The following GGA2 variants were observed in gnomAD, a reference collection of about 807,000 sequenced individuals.
GGA2 encodes golgi associated, gamma adaptin ear containing, ARF binding protein 2, also known as ADP-ribosylation factor-binding protein GGA2.
Under a neutral mutation model 79.5 loss-of-function variants are expected in GGA2, and 48 were observed. The ratio of observed to expected loss-of-function variants is 0.60; its 90% CI spans 0.48 to 0.77. The LOEUF (loss-of-function observed/expected upper bound fraction) is 0.77. Among genes scored for constraint, GGA2 ranks in the 30% least tolerant of loss-of-function variants. The pLI is 0.00. For synonymous variants in GGA2, 317 were observed against 302.0 expected, an observed-to-expected ratio of 1.05 and a Z score of -0.51; for missense variants, 770 against 774.0, an observed-to-expected ratio of 0.99 and a Z score of 0.06.
rs1964415303 is a variant in GGA2, at chr16:23,464,914, C to A, written c.*2676G>T. 5.4e-6 allele frequency: 1 copy of A among 185,310 alleles called. No homozygotes were observed. Among genetic ancestry groups the A allele is most frequent in the East Asian group, 1.4e-4 (1 of 7,300 alleles). 11.5% of individuals were successfully genotyped at this position (185,310 alleles called of 1,614,324 possible). A position where few individuals can be genotyped will look rare whatever the true frequency, so the allele number is the denominator to read the frequency against. ...CCTGACTACCAGGCCTGTGTGTGGACGGGAAAGTCCTGAGGATTGGACTCT... is the reference window on the plus strand; with the variant it reads ...CCTGACTACCAGGCCTGTGTGTGGAAGGGAAAGTCCTGAGGATTGGACTCT... On this transcript the variant is annotated 3_prime_UTR_variant, in exon 17 of 17. Transcript: ENST00000309859.
At chr16:23,520,253 C>CAA (rs3071381) in intron 1 of GGA2, among the ~76,000 whole-genome samples, 80,374 of 114,024 alleles carry the variant, frequency 0.7, 28,760 homozygotes, top group Middle Eastern at 0.78. Context: ...AACTACGTCT[C>CAA]AAAAAAAAAA....
upstream of GGA2, among the ~76,000 whole-genome samples, chr16:23,513,828 GA>G (rs888104495): frequency 3.4e-5 from 5 of 145,142 alleles, no homozygotes; most frequent in African/African-American, 1.0e-4. Flanking sequence ...GAAAAGAAAA[GA>G]AAAAAAAAGC....
intron 9 of GGA2, among the ~76,000 whole-genome samples, chr16:23,482,017 A>C (rs1313330393): frequency 1.3e-5 from 2 of 152,214 alleles, no homozygotes; most frequent in Non-Finnish European, 2.9e-5. Context: ...CTGTAATCCC[A>C]GCACTTTGGG....
chr16:23,512,317 G>A (rs565910178), upstream of GGA2, among the ~76,000 whole-genome samples: 2 of 152,168 alleles, frequency 1.3e-5, no homozygotes, highest in African/African-American at 4.8e-5. Context: ...AAAGGGCCTT[G>A]ATCCCCCGTA....
chr16:23,471,592 A>G (rs1964512174), intron 14 of GGA2, among the ~76,000 whole-genome samples: 2 of 152,146 alleles, frequency 1.3e-5, no homozygotes. Context: ...TAATATCAAA[A>G]TATACATTAC....
chr16:23,486,891 C>A, intron 6 of GGA2, 101 bp from the exon 7 acceptor site: 4 of 762,168 alleles, frequency 5.2e-6, no homozygotes, highest in Non-Finnish European at 9.7e-6. Context: ...ACAGTGCACA[C>A]ATTTTACATG....
intron 1 of GGA2, among the ~76,000 whole-genome samples, chr16:23,521,109 A>T (rs549035987): frequency 1.3e-5 from 2 of 152,248 alleles, no homozygotes; most frequent in African/African-American, 2.4e-5. Context: ...AGTATTTTTT[A>T]AAAACTGTGG....
chr16:23,506,645 C>T (rs1342754231), intron 1 of GGA2, among the ~76,000 whole-genome samples: 2 of 152,148 alleles, frequency 1.3e-5, no homozygotes, highest in East Asian at 3.9e-4. Context: ...AATTATCGGG[C>T]CCAAGATGTC....
chr16:23,503,391 T>C (rs1355078991), intron 1 of GGA2, among the ~76,000 whole-genome samples: 1 of 152,224 alleles, frequency 6.6e-6, no homozygotes, highest in African/African-American at 2.4e-5. Flanking sequence ...ATATTAAAAA[T>C]TGTATTAGTT....
intron 8 of GGA2, among the ~76,000 whole-genome samples, chr16:23,484,106 G>A (rs1186863670): frequency 6.6e-6 from 1 of 151,198 alleles, no homozygotes; most frequent in Non-Finnish European, 1.5e-5. Context: ...TGGCCAACAT[G>A]GTGAAACCCT....
intron 13 of GGA2, among the ~76,000 whole-genome samples, chr16:23,475,875 A>G (rs1470177390): frequency 6.6e-6 from 1 of 151,836 alleles, no homozygotes; most frequent in Non-Finnish European, 1.5e-5. Flanking sequence ...GGTTGTGGTG[A>G]GCCGAGATCA....
intron 8 of GGA2, among the ~76,000 whole-genome samples, chr16:23,483,387 G>A (rs563040710): frequency 4.6e-5 from 7 of 152,142 alleles, no homozygotes; most frequent in African/African-American, 7.2e-5. Context: ...CCAGCTACTC[G>A]GGAGGCTTTC....
At chr16:23,482,619 C>A (rs964284576) in intron 9 of GGA2, among the ~76,000 whole-genome samples, 4 of 152,172 alleles carry the variant, frequency 2.6e-5, no homozygotes, top group Admixed American at 2.6e-4. Flanking sequence ...GTTTCTCTGG[C>A]CCCTGCGATT....
intron 6 of GGA2, among the ~76,000 whole-genome samples, 192 bp from the exon 7 acceptor site, chr16:23,486,982 TTG>T (rs1158196249): frequency 1.0e-5 from 1 of 98,260 alleles, no homozygotes; most frequent in African/African-American, 3.3e-5. Flanking sequence ...TTCTTTTCTG[TTG>T]TTTTTTTTTT....
At position 23,467,685 on chromosome 16, in the gene GGA2, G is replaced by T. The variant is rs775844878; in HGVS notation, c.1747C>A (p.Arg583=). The change falls in exon 17 of 17, where the codon CGG becomes AGG. Residue 583 remains arginine (R), a synonymous_variant. Coordinates refer to ENST00000309859, the MANE Select transcript of GGA2 (RefSeq NM_015044.4). Reference sequence around the variant, plus strand: ...CCTTGGTTGAATGTCAGCTTGTACCGTAAGCGGATAGGTTCCTGGGACAGA... The same window carrying T: ...CCTTGGTTGAATGTCAGCTTGTACCTTAAGCGGATAGGTTCCTGGGACAGA... ...DNPHKEPIRL[R]YKLTFNQGGQ... 6.3e-7 allele frequency: 1 copy of T among 1,585,586 alleles called. No homozygotes were observed. The highest frequency in any genetic ancestry group is 8.7e-7 in the Non-Finnish European group (1 of 1,154,066).
intron 16 of GGA2, 76 bp downstream of exon 16, chr16:23,468,810 T>C: frequency 1.2e-6 from 1 of 817,046 alleles, no homozygotes; most frequent in East Asian, 2.5e-5. Context: ...AATGTGCCTC[T>C]CTCTACCCAC....
At chr16:23,473,081 A>ATAT (rs1964533618) in intron 14 of GGA2, among the ~76,000 whole-genome samples, 1 of 151,248 alleles carries the variant, frequency 6.6e-6, no homozygotes, top group Admixed American at 6.6e-5. Flanking sequence ...ACCTCTACTT[A>ATAT]ATAGTGCATA....
intron 1 of GGA2, among the ~76,000 whole-genome samples, chr16:23,502,813 G>C (rs1002974984): frequency 6.6e-6 from 1 of 152,202 alleles, no homozygotes; most frequent in Admixed American, 6.6e-5. Flanking sequence ...GAATTTTCTG[G>C]CTTCCAAAAT....
intron 14 of GGA2, 33 bp from the exon 15 acceptor site, chr16:23,470,198 A>G: frequency 1.3e-6 from 2 of 1,508,798 alleles, no homozygotes; most frequent in Non-Finnish European, 1.8e-6. Flanking sequence ...AAGGTTTAAC[A>G]CCACTACAAA....
Sources: gnomAD v4.1 joint callset for allele counts (sites outside exome capture counted in the v4.1 genomes callset) on GRCh38, gnomAD v4.1.1 for gene constraint, MANE v1.5 for transcripts, NCBI Gene and HGNC (gene_info 2026-07-23, HGNC 2026-07-21) for gene names.